CAST: variants seen among roughly 807,000 people sequenced by gnomAD.
The protein encoded by CAST is MIR583 host.
In CAST, 76 loss-of-function variants were observed where a neutral mutation model predicts 119.6. The ratio of observed to expected loss-of-function variants is 0.64; its 90% CI spans 0.53 to 0.77. The LOEUF (loss-of-function observed/expected upper bound fraction) is 0.77. CAST is among the 30% of genes least tolerant of loss of function. The pLI is 0.00. For synonymous variants in CAST, 319 were observed against 331.6 expected (o/e 0.96, Z 0.41); for missense variants, 953 against 946.5 (o/e 1.01, Z -0.09).
intron 1 of CAST, among the ~76,000 whole-genome samples, chr5:96,662,752 T>C (rs1238348627): frequency 6.6e-6 from 1 of 152,056 alleles, no homozygotes; most frequent in Non-Finnish European, 1.5e-5. Flanking sequence ...TCAAGAAAAG[T>C]TGGCTGGTAA....
the CAST span, among the ~76,000 whole-genome samples, chr5:96,111,475 A>C: frequency 6.6e-6 from 1 of 152,184 alleles, no homozygotes; most frequent in Non-Finnish European, 1.5e-5. Flanking sequence ...CCCTCCCCAG[A>C]TGGGGCTGAA....
chr5:96,075,834 C>G, the CAST span, among the ~76,000 whole-genome samples: 5 of 152,152 alleles, frequency 3.3e-5, no homozygotes, highest in African/African-American at 1.2e-4. Flanking sequence ...GAAACACTGT[C>G]TCATTTCCTT....
chr5:96,710,384 C>T (rs913637733), intron 3 of CAST, among the ~76,000 whole-genome samples: 1 of 152,108 alleles, frequency 6.6e-6, no homozygotes, highest in Non-Finnish European at 1.5e-5. Flanking sequence ...AAGTGATTCT[C>T]CATGTCTGGG....
chr5:96,623,086 G>A (rs4620041), intron 1 of CAST, among the ~76,000 whole-genome samples: 12,218 of 151,638 alleles, frequency 0.081, 547 homozygotes, highest in South Asian at 0.12. Flanking sequence ...GGCTGGTCTC[G>A]AACTCCTGAC....
chr5:96,245,812 T>TA, the CAST span, among the ~76,000 whole-genome samples: 2 of 152,190 alleles, frequency 1.3e-5, no homozygotes, highest in Non-Finnish European at 2.9e-5. Context: ...TGGGGGGACT[T>TA]ACGGCAAATG....
At chr5:96,604,551 G>A (rs1273725098) in intron 1 of CAST, among the ~76,000 whole-genome samples, 1 of 152,186 alleles carries the variant, frequency 6.6e-6, no homozygotes, top group Non-Finnish European at 1.5e-5. Context: ...TGCAGGACTT[G>A]AGTAAGTAAA....
intron 9 of CAST, among the ~76,000 whole-genome samples, chr5:96,731,800 A>G (rs923939459): frequency 9.9e-5 from 15 of 150,882 alleles, no homozygotes; most frequent in East Asian, 3.9e-4. Flanking sequence ...ATGATTTCCA[A>G]TTTCATCCAT....
intron 8 of CAST, among the ~76,000 whole-genome samples, 193 bp from the exon 9 acceptor site, chr5:96,730,587 C>T (rs915776377): frequency 2.6e-5 from 4 of 152,260 alleles, no homozygotes; most frequent in South Asian, 2.1e-4. Flanking sequence ...CCTGCGTGAA[C>T]GTTTTAGGCT....
At chr5:96,684,815 C>G (rs963947699) in intron 2 of CAST, among the ~76,000 whole-genome samples, 1 of 151,964 alleles carries the variant, frequency 6.6e-6, no homozygotes, top group African/African-American at 2.4e-5. Context: ...GGTGATCTGC[C>G]CACCTTGGAC....
intron 1 of CAST, among the ~76,000 whole-genome samples, chr5:96,617,790 TAAAAAAAAAAAAAAAAAAAA>T (rs1162873931): frequency 0.011 from 244 of 22,000 alleles, 5 homozygotes; most frequent in Middle Eastern, 0.036. Flanking sequence ...AAATTCCATC[TAAAAAAAAAAAAAAAAAAAA>T]AAAAAAAAAA....
chr5:96,017,080 C>T, the CAST span, among the ~76,000 whole-genome samples: 1 of 152,088 alleles, frequency 6.6e-6, no homozygotes, highest in African/African-American at 2.4e-5. Context: ...TCATGATCCA[C>T]CTGCCTTGGT....
At chr5:96,496,834 TG>T in the CAST span, among the ~76,000 whole-genome samples, 10 of 152,296 alleles carry the variant, frequency 6.6e-5, no homozygotes, top group Admixed American at 6.5e-4. Flanking sequence ...AACACTGTTT[TG>T]CTTTTTTTTT....
the CAST span, among the ~76,000 whole-genome samples, chr5:96,013,367 C>T: frequency 8.6e-5 from 13 of 151,646 alleles, no homozygotes; most frequent in Non-Finnish European, 1.9e-4. Context: ...GAATTCTTTG[C>T]TTTTTTCATT....
the CAST span, among the ~76,000 whole-genome samples, chr5:96,490,246 C>T: frequency 2.6e-5 from 4 of 152,174 alleles, no homozygotes; most frequent in Admixed American, 1.3e-4. Context: ...CAGTTGCCCA[C>T]CTGCCATACA....
the CAST span, among the ~76,000 whole-genome samples, chr5:96,431,125 A>G: frequency 1.3e-5 from 2 of 152,192 alleles, no homozygotes; most frequent in East Asian, 3.8e-4. Flanking sequence ...TAGGTCATAC[A>G]TGATTTGTAT....
the CAST span, among the ~76,000 whole-genome samples, chr5:96,042,866 G>A: frequency 2.6e-5 from 4 of 152,084 alleles, no homozygotes. Context: ...CAAGCTCAGT[G>A]CCTAATGCAG....
chr5:96,229,720 C>T, the CAST span, among the ~76,000 whole-genome samples: 3 of 152,094 alleles, frequency 2.0e-5, no homozygotes, highest in South Asian at 6.2e-4. Context: ...CCCTGTTTTT[C>T]ACTCCCGTAA....
the CAST span, among the ~76,000 whole-genome samples, chr5:96,303,730 T>C: frequency 2.0e-5 from 3 of 152,062 alleles, no homozygotes; most frequent in South Asian, 2.1e-4. Flanking sequence ...GTTAGTTTGC[T>C]GAGAATGAGG....
At chr5:96,164,035 GA>G in the CAST span, among the ~76,000 whole-genome samples, 8 of 150,262 alleles carry the variant, frequency 5.3e-5, no homozygotes, top group East Asian at 1.9e-4. Flanking sequence ...ATTGGTACAT[GA>G]AAAAAAAACA....
Sources: gnomAD v4.1 joint callset for allele counts (sites outside exome capture counted in the v4.1 genomes callset) on GRCh38, gnomAD v4.1.1 for gene constraint, MANE v1.5 for transcripts, NCBI Gene and HGNC (gene_info 2026-07-23, HGNC 2026-07-21) for gene names.